ZNF676: variants seen among roughly 807,000 people sequenced by gnomAD.
The protein encoded by ZNF676 is zinc finger protein 676.
In ZNF676, 4 loss-of-function variants were observed where a neutral mutation model predicts 6.0. That is an observed-to-expected ratio of 0.67 (90% CI 0.33 to 1.53). The LOEUF (loss-of-function observed/expected upper bound fraction) is 1.53, where lower values mean the gene tolerates loss of function less well. Ranked by LOEUF, ZNF676 falls within the 40% of genes most tolerant of loss-of-function variation. The probability of loss-of-function intolerance (pLI) is 0.06; values close to 1 mark genes in which losing one functional copy is unlikely to be tolerated. For missense variants in ZNF676, 644 were observed against 679.7 expected (o/e 0.95, Z 0.58); for synonymous variants, 198 against 223.1 (o/e 0.89, Z 1.00).
At chr19:22,200,531 T>TTTTTTC (rs1368736864), upstream of ZNF676, among the ~76,000 whole-genome samples, 3 of 146,664 alleles carry the variant, frequency 2.0e-5, no homozygotes, top group Admixed American at 1.4e-4. Context: ...TTTTTTTTTT[T>TTTTTTC]TTTTTGAGAC....
chr19:22,200,131 T>A (rs73930533), upstream of ZNF676, among the ~76,000 whole-genome samples: 6,752 of 152,172 alleles, frequency 0.044, 488 homozygotes, highest in African/African-American at 0.15. Flanking sequence ...TCTTTTTTTT[T>A]AAATCTTACT....
At chr19:22,217,692 C>CTGTT (rs112661841), upstream of ZNF676, among the ~76,000 whole-genome samples, 23,468 of 147,560 alleles carry the variant, frequency 0.16, 1,995 homozygotes, top group South Asian at 0.31. Flanking sequence ...ATGGTCTTTT[C>CTGTT]TGTTTGTTTG....
chr19:22,239,170 A>G, the ZNF676 span, among the ~76,000 whole-genome samples: 15 of 151,456 alleles, frequency 9.9e-5, no homozygotes, highest in Admixed American at 9.9e-4. Context: ...GCAGATTCAC[A>G]TATCACAGTC....
At chr19:22,223,529 A>T in the ZNF676 span, among the ~76,000 whole-genome samples, 60,794 of 148,088 alleles carry the variant, frequency 0.41, 13,182 homozygotes, top group African/African-American at 0.57. Flanking sequence ...TTTTTTTTTT[A>T]AATTTTACTG....
At chr19:22,186,924 T>C (rs1472841697) in intron 2 of ZNF676, among the ~76,000 whole-genome samples, 1 of 152,106 alleles carries the variant, frequency 6.6e-6, no homozygotes, top group African/African-American at 2.4e-5. Flanking sequence ...ATTCCCATAC[T>C]GTAATAGTGG....
intron 2 of ZNF676, among the ~76,000 whole-genome samples, chr19:22,182,635 T>A (rs936393752): frequency 7.0e-4 from 43 of 61,650 alleles, no homozygotes; most frequent in Non-Finnish European, 8.8e-4. Flanking sequence ...AAAGTGAGAA[T>A]AAATACCATC....
the ZNF676 span, among the ~76,000 whole-genome samples, chr19:22,230,306 C>T: frequency 6.6e-6 from 1 of 152,020 alleles, no homozygotes; most frequent in Non-Finnish European, 1.5e-5. Flanking sequence ...AATGAGAATG[C>T]ATGGACACAA....
chr19:22,209,800 T>C (rs2024112249), intron 1 of ZNF676, among the ~76,000 whole-genome samples: 1 of 152,076 alleles, frequency 6.6e-6, no homozygotes, highest in African/African-American at 2.4e-5. Context: ...CCTAGGCTGG[T>C]GGAGAAAACA....
upstream of ZNF676, among the ~76,000 whole-genome samples, chr19:22,197,293 G>T (rs925786326): frequency 1.3e-5 from 2 of 150,256 alleles, no homozygotes; most frequent in African/African-American, 4.9e-5. Flanking sequence ...ACTCTAGCTT[G>T]GGCAACAAGA....
At chr19:22,196,966 T>C, upstream of ZNF676, 1 of 409,356 alleles carries the variant, frequency 2.4e-6, no homozygotes, top group Non-Finnish European at 4.3e-6. Context: ...TTCTAGATAA[T>C]AAAGTATAAA....
chr19:22,235,024 GAAA>G, the ZNF676 span, among the ~76,000 whole-genome samples: 1 of 60,004 alleles, frequency 1.7e-5, no homozygotes, highest in African/African-American at 7.3e-5. Context: ...AAGAAAGAAA[GAAA>G]GAAAGAAAAG....
intron 1 of ZNF676, among the ~76,000 whole-genome samples, chr19:22,208,935 T>C (rs2024102812): frequency 6.6e-6 from 1 of 151,774 alleles, no homozygotes; most frequent in Non-Finnish European, 1.5e-5. Context: ...AGTGAGACCC[T>C]GTCTCCAAAA....
intron 2 of ZNF676, among the ~76,000 whole-genome samples, chr19:22,186,026 G>A (rs62112446): frequency 0.33 from 49,377 of 151,896 alleles, 8,392 homozygotes; most frequent in South Asian, 0.42. Flanking sequence ...AGAAAATACA[G>A]AGAACACCAC....
chr19:22,234,492 C>T, the ZNF676 span, among the ~76,000 whole-genome samples: 4 of 152,084 alleles, frequency 2.6e-5, no homozygotes, highest in South Asian at 6.2e-4. Flanking sequence ...CAGAAAGCAC[C>T]CAGTTCATGA....
intron 1 of ZNF676, among the ~76,000 whole-genome samples, chr19:22,202,823 C>T (rs2024039287): frequency 1.3e-5 from 2 of 152,232 alleles, no homozygotes. Context: ...AAAGCTTTCA[C>T]ATCTTCATGA....
the ZNF676 span, chr19:22,259,600 G>A: frequency 1.3e-5 from 2 of 152,164 alleles, no homozygotes; most frequent in Non-Finnish European, 2.9e-5. Context: ...ACTAGGTGCT[G>A]TGCCCACAGA....
At chr19:22,193,998 C>T (rs1387229336) in intron 1 of ZNF676, among the ~76,000 whole-genome samples, 1 of 152,108 alleles carries the variant, frequency 6.6e-6, no homozygotes, top group Non-Finnish European at 1.5e-5. Context: ...CTTAAACTGG[C>T]AAGAAATGTG....
intron 2 of ZNF676, among the ~76,000 whole-genome samples, chr19:22,189,753 G>A (rs776042855): frequency 3.2e-4 from 49 of 151,784 alleles, no homozygotes; most frequent in African/African-American, 5.8e-4. Context: ...TTTATGCAGC[G>A]AACAGACACA....
At chr19:22,215,062 A>C (rs942167622) in intron 1 of ZNF676, among the ~76,000 whole-genome samples, 5 of 54,412 alleles carry the variant, frequency 9.2e-5, no homozygotes, top group Non-Finnish European at 1.7e-4. Flanking sequence ...AAAAAAAAAC[A>C]ACAAAAAACC....
Sources: allele counts gnomAD v4.1 joint callset (sites outside exome capture counted in the v4.1 genomes callset), GRCh38; gene constraint gnomAD v4.1.1; transcripts MANE v1.5; gene names NCBI Gene and HGNC (gene_info 2026-07-23, HGNC 2026-07-21).